Variants in LDLRAD3 observed in about 807,000 individuals in gnomAD.
The protein encoded by LDLRAD3 is low-density lipoprotein receptor class A domain-containing protein 3.
A neutral mutation model predicts 29.4 loss-of-function variants in LDLRAD3; 20 were observed. That is an observed-to-expected ratio of 0.68 (90% CI 0.48 to 0.99). The LOEUF is 0.99. Ranked by LOEUF, LDLRAD3 falls within the 50% of genes least tolerant of loss-of-function variation. The probability of loss-of-function intolerance (pLI) is 0.00; values close to 1 mark genes in which losing one functional copy is unlikely to be tolerated. For missense variants in LDLRAD3, 420 were observed against 454.3 expected (o/e 0.92, Z 0.69); for synonymous variants, 157 against 192.7 (o/e 0.81, Z 1.53).
intron 2 of LDLRAD3, among the ~76,000 whole-genome samples, chr11:36,038,761 T>A (rs1485928922): frequency 6.6e-6 from 1 of 152,142 alleles, no homozygotes; most frequent in Non-Finnish European, 1.5e-5. Context: ...CCCCCAAGTG[T>A]GGTGGAGGTT....
chr11:36,049,145 T>C (rs1157816209), intron 2 of LDLRAD3, among the ~76,000 whole-genome samples: 6 of 152,146 alleles, frequency 3.9e-5, no homozygotes, highest in Non-Finnish European at 7.3e-5. Flanking sequence ...AACTGCAAAA[T>C]ATAGTCAGTG....
chr11:36,182,584 TG>T (rs1388711253), intron 4 of LDLRAD3, among the ~76,000 whole-genome samples: 6 of 152,196 alleles, frequency 3.9e-5, no homozygotes, highest in Non-Finnish European at 7.3e-5. Flanking sequence ...TTGGCAACGT[TG>T]GCTGCTTATT....
intron 1 of LDLRAD3, among the ~76,000 whole-genome samples, chr11:35,965,161 G>A (rs991509958): frequency 2.0e-5 from 3 of 152,036 alleles, no homozygotes; most frequent in South Asian, 2.1e-4. Flanking sequence ...TGAGTCACCC[G>A]CTTTTATTTG....
intron 4 of LDLRAD3, among the ~76,000 whole-genome samples, chr11:36,163,061 T>C (rs1158944137): frequency 6.6e-6 from 1 of 152,200 alleles, no homozygotes; most frequent in African/African-American, 2.4e-5. Context: ...GTGTTTGATA[T>C]CAGGGTAAAC....
At chr11:36,008,706 G>A (rs1851917541) in intron 1 of LDLRAD3, among the ~76,000 whole-genome samples, 1 of 152,286 alleles carries the variant, frequency 6.6e-6, no homozygotes, top group South Asian at 2.1e-4. Context: ...ATATTAATAA[G>A]CATATTCAAG....
At chr11:36,153,831 G>GT (rs550704653) in intron 4 of LDLRAD3, among the ~76,000 whole-genome samples, 38 of 151,452 alleles carry the variant, frequency 2.5e-4, no homozygotes, top group South Asian at 8.4e-4. Context: ...GCTTGTTAAT[G>GT]TTTTTTTTTA....
chr11:35,984,569 TCA>T (rs1471089524), intron 1 of LDLRAD3, among the ~76,000 whole-genome samples: 1 of 152,194 alleles, frequency 6.6e-6, no homozygotes, highest in African/African-American at 2.4e-5. Context: ...CTGTGTCCCT[TCA>T]CCAAGATTCT....
chr11:36,113,256 A>G (rs1463309858), intron 4 of LDLRAD3, among the ~76,000 whole-genome samples: 5 of 152,168 alleles, frequency 3.3e-5, no homozygotes, highest in Non-Finnish European at 7.4e-5. Flanking sequence ...AATGAGATGC[A>G]GGTTATGGCT....
intron 4 of LDLRAD3, among the ~76,000 whole-genome samples, chr11:36,169,283 A>G (rs1334114608): frequency 6.6e-6 from 1 of 152,198 alleles, no homozygotes; most frequent in African/African-American, 2.4e-5. Flanking sequence ...TTTATCATTT[A>G]TTTCTGCTGG....
chr11:36,064,238 T>C (rs1852753325), intron 2 of LDLRAD3, among the ~76,000 whole-genome samples: 1 of 152,234 alleles, frequency 6.6e-6, no homozygotes, highest in African/African-American at 2.4e-5. Flanking sequence ...CAAATACAAT[T>C]GATTTTGGTG....
At chr11:36,032,652 C>T (rs1852250019) in intron 1 of LDLRAD3, among the ~76,000 whole-genome samples, 1 of 152,118 alleles carries the variant, frequency 6.6e-6, no homozygotes, top group African/African-American at 2.4e-5. Context: ...CAATAGCACC[C>T]CCATCTCCCC....
intron 2 of LDLRAD3, among the ~76,000 whole-genome samples, chr11:36,053,335 C>G (rs1414721732): frequency 6.6e-6 from 1 of 152,082 alleles, no homozygotes; most frequent in Non-Finnish European, 1.5e-5. Context: ...TTCCAACTAT[C>G]ATAGCATGAG....
At position 36,145,586 on chromosome 11, in the gene LDLRAD3, T is replaced by C. The variant is rs1432004946; in HGVS notation, c.454+47125T>C. On this transcript the variant is annotated intron_variant, in intron 4 of 5. Coordinates refer to ENST00000315571, the MANE Select transcript of LDLRAD3 (RefSeq NM_174902.4). ...AAAGGGGGGAAAAGTGGGGAAAAGATTGAGAAATCGGATGGTTGCCGTGTC... is the reference window on the plus strand; with the variant it reads ...AAAGGGGGGAAAAGTGGGGAAAAGACTGAGAAATCGGATGGTTGCCGTGTC... Among the ~76,000 whole-genome samples the C allele has an allele frequency of 7.9e-5, 12 of 151,726 alleles. No individual in the cohort carries two copies. The East Asian group carries it at 2.2e-3, about 27-fold the overall frequency.
intron 4 of LDLRAD3, among the ~76,000 whole-genome samples, chr11:36,187,617 C>T (rs1854871559): frequency 6.6e-6 from 1 of 152,146 alleles, no homozygotes; most frequent in Non-Finnish European, 1.5e-5. Flanking sequence ...GAAATGGACT[C>T]CCCCAAAAGA....
chr11:35,975,210 A>C (rs1851460915), intron 1 of LDLRAD3, among the ~76,000 whole-genome samples: 1 of 152,176 alleles, frequency 6.6e-6, no homozygotes, highest in Non-Finnish European at 1.5e-5. Flanking sequence ...GTTTCCATAC[A>C]TTTGGCCCCG....
At chr11:36,187,668 AT>A (rs1459767679) in intron 4 of LDLRAD3, among the ~76,000 whole-genome samples, 2 of 152,150 alleles carry the variant, frequency 1.3e-5, no homozygotes, top group African/African-American at 4.8e-5. Flanking sequence ...AAAATCTTGG[AT>A]TCTGGGTGTG....
intron 1 of LDLRAD3, among the ~76,000 whole-genome samples, chr11:36,027,891 C>T (rs780265093): frequency 9.9e-5 from 15 of 152,220 alleles, no homozygotes; most frequent in Admixed American, 1.3e-4. Context: ...GTTGTCTCCT[C>T]CTTCAGTTTA....
chr11:35,960,705 C>T (rs10836474), intron 1 of LDLRAD3, among the ~76,000 whole-genome samples: 54,886 of 152,110 alleles, frequency 0.36, 10,191 homozygotes, highest in East Asian at 0.57. Context: ...TCAAGCAGTT[C>T]TCTGCCTCAG....
At chr11:36,077,068 A>G (rs1471197760) in intron 2 of LDLRAD3, among the ~76,000 whole-genome samples, 1 of 152,210 alleles carries the variant, frequency 6.6e-6, no homozygotes. Flanking sequence ...CCGTAGTTCT[A>G]AGATATACAC....
Sources: gnomAD v4.1 joint callset for allele counts (sites outside exome capture counted in the v4.1 genomes callset) on GRCh38, gnomAD v4.1.1 for gene constraint, MANE v1.5 for transcripts, NCBI Gene and HGNC (gene_info 2026-07-23, HGNC 2026-07-21) for gene names.